UGGT2: variants seen among roughly 807,000 people sequenced by gnomAD.
UGGT2 encodes the protein UDP-glucose:glycoprotein glucosyltransferase 2.
A neutral mutation model predicts 192.1 loss-of-function variants in UGGT2; 180 were observed. That is an observed-to-expected ratio of 0.94 (90% CI 0.83 to 1.06). UGGT2 has a LOEUF of 1.06. Among genes scored for constraint, UGGT2 ranks in the 50% least tolerant of loss-of-function variants. UGGT2 has a pLI of 0.00. For synonymous variants in UGGT2, 580 were observed against 591.0 expected (o/e 0.98, Z 0.27); for missense variants, 1,849 against 1,795.7 (o/e 1.03, Z -0.54).
intron 5 of UGGT2, among the ~76,000 whole-genome samples, chr13:96,011,054 A>G (rs1266492134): frequency 6.6e-6 from 1 of 152,194 alleles, no homozygotes; most frequent in South Asian, 2.1e-4. Context: ...CTAGATATCC[A>G]TATGTAGAAA....
At chr13:95,969,812 T>C (rs1309902681) in intron 12 of UGGT2, among the ~76,000 whole-genome samples, 2 of 152,232 alleles carry the variant, frequency 1.3e-5, no homozygotes, top group Non-Finnish European at 2.9e-5. Context: ...ACCTCAGATT[T>C]TAACCATGTA....
At chr13:95,900,211 G>A (rs944848863) in intron 22 of UGGT2, among the ~76,000 whole-genome samples, 1 of 151,972 alleles carries the variant, frequency 6.6e-6, no homozygotes, top group Non-Finnish European at 1.5e-5. Context: ...GGATTATAAG[G>A]ATGTATTCTA....
At chr13:95,875,949 G>A (rs1417068885) in intron 29 of UGGT2, among the ~76,000 whole-genome samples, 2 of 152,072 alleles carry the variant, frequency 1.3e-5, no homozygotes, top group Non-Finnish European at 2.9e-5. Flanking sequence ...TTTATTAAGG[G>A]TATAAAAAAG....
intron 38 of UGGT2, among the ~76,000 whole-genome samples, chr13:95,821,890 C>T (rs1431613763): frequency 6.6e-6 from 1 of 152,108 alleles, no homozygotes; most frequent in Non-Finnish European, 1.5e-5. Flanking sequence ...GGCTTCATTT[C>T]TGTGTTCTCC....
intron 36 of UGGT2, among the ~76,000 whole-genome samples, chr13:95,844,225 G>C (rs1000560506): frequency 6.6e-6 from 1 of 152,202 alleles, no homozygotes; most frequent in Non-Finnish European, 1.5e-5. Flanking sequence ...GCCTCCCAAA[G>C]TGCTGGGATT....
At chr13:96,036,449 C>T (rs1468767012) in intron 1 of UGGT2, among the ~76,000 whole-genome samples, 2 of 152,094 alleles carry the variant, frequency 1.3e-5, no homozygotes, top group Admixed American at 1.3e-4. Flanking sequence ...TTAATGGATG[C>T]TGGGCTTCAT....
intron 38 of UGGT2, among the ~76,000 whole-genome samples, chr13:95,830,423 C>G (rs1439361944): frequency 6.6e-6 from 1 of 152,062 alleles, no homozygotes; most frequent in Non-Finnish European, 1.5e-5. Context: ...TGAACTTAAA[C>G]AAATTTACAA....
chr13:95,948,201 C>A, intron 13 of UGGT2, 120 bp from the exon 14 acceptor site: 4 of 525,272 alleles, frequency 7.6e-6, no homozygotes, highest in Non-Finnish European at 1.0e-5. Context: ...TAAAGAAATT[C>A]TAGCAATTCT....
Position 95,947,168 on chromosome 13 carries a change from C to A in UGGT2, c.1546G>T (p.Gly516Cys), listed in dbSNP as rs1440236090. The change falls in exon 15 of 39, where the codon GGT becomes TGT. Residue 516 changes from glycine to cysteine, a missense_variant. Physicochemically the swap from Gly to Cys is radical, Grantham distance 159. Transcript: ENST00000376747. ...TCTGTATTAAGAATGAACACAAAAC[C>A]AATTCTGGAAAAAGAAGATGAACAA... The part of the protein sequence containing the change: ...FYSHEVPLRI[G>C]FVFILNTDDE... 13 of 1,593,538 alleles carry A rather than the reference C, an allele frequency of 8.2e-6. No individual in the cohort carries two copies. The highest frequency in any genetic ancestry group is 1.0e-5 in the Non-Finnish European group (12 of 1,173,948).
At chr13:95,826,863 G>A (rs1362155185) in intron 38 of UGGT2, among the ~76,000 whole-genome samples, 3 of 150,346 alleles carry the variant, frequency 2.0e-5, no homozygotes, top group Non-Finnish European at 4.4e-5. Flanking sequence ...GGCTTGTATG[G>A]AAAAAAAACA....
intron 1 of UGGT2, among the ~76,000 whole-genome samples, chr13:96,037,914 CT>C (rs1400172833): frequency 6.6e-6 from 1 of 152,212 alleles, no homozygotes; most frequent in Non-Finnish European, 1.5e-5. Flanking sequence ...AAACTACAGG[CT>C]TTTGGCCTGC....
chr13:95,944,913 T>C (rs979975040), intron 15 of UGGT2, among the ~76,000 whole-genome samples: 2 of 152,142 alleles, frequency 1.3e-5, no homozygotes, highest in South Asian at 2.1e-4. Flanking sequence ...ACTACTATTA[T>C]AGTGAAACTG....
rs1402064310 is a variant in UGGT2, at chr13:95,877,765, C to A, written c.3320G>T (p.Gly1107Val). The A allele has an allele frequency of 1.9e-6, 3 of 1,613,912 alleles. No individual in the cohort carries two copies. The highest frequency in any genetic ancestry group is 4.5e-5 in the East Asian group (2 of 44,848). ...FDKVTEQPPRGLQFTLGTKNK... is the reference protein window; with the variant it reads ...FDKVTEQPPRVLQFTLGTKNK... Reference sequence around the variant, plus strand: ...TTTTGTGCCTAGTGTGAACTGCAGACCCCGAGGAGGCTGTTCTGTCACTTT... The same window carrying A: ...TTTTGTGCCTAGTGTGAACTGCAGAACCCGAGGAGGCTGTTCTGTCACTTT... The change falls in exon 28 of 39, where the codon GGT becomes GTT. Residue 1107 changes from glycine to valine, a missense_variant. Transcript: ENST00000376747.
At chr13:95,829,699 T>A (rs946478552) in intron 38 of UGGT2, among the ~76,000 whole-genome samples, 1 of 152,216 alleles carries the variant, frequency 6.6e-6, no homozygotes, top group African/African-American at 2.4e-5. Context: ...GAACATTCCA[T>A]GCTCATGGAC....
chr13:95,819,751 A>G (rs1200518443), intron 38 of UGGT2, among the ~76,000 whole-genome samples: 1 of 152,262 alleles, frequency 6.6e-6, no homozygotes, highest in Admixed American at 6.5e-5. Context: ...ATAGGAAAAC[A>G]TCAGTCTTCA....
At chr13:95,895,460 T>C (rs1396629310) in intron 22 of UGGT2, among the ~76,000 whole-genome samples, 156 bp from the exon 23 acceptor site, 1 of 151,886 alleles carries the variant, frequency 6.6e-6, no homozygotes, top group Non-Finnish European at 1.5e-5. Context: ...CTAAATACGC[T>C]AGGAAACAAG....
chr13:95,933,539 T>A (rs956656793), intron 17 of UGGT2, among the ~76,000 whole-genome samples: 1 of 152,212 alleles, frequency 6.6e-6, no homozygotes, highest in African/African-American at 2.4e-5. Context: ...TATAAATTTT[T>A]GGGTCTCAAT....
At position 95,970,093 on chromosome 13, in the gene UGGT2, G is replaced by T; in HGVS notation, c.1335+19C>A. 1.3e-6 allele frequency: 2 copies of T among 1,591,622 alleles called. No homozygotes were observed. Among genetic ancestry groups the T allele is most frequent in the South Asian group, 2.2e-5 (2 of 89,332 alleles). ...AGTATACTACAGGTTTTAGAACAAG[G>T]AATAGCATAAGCACTTACCATTATA... On this transcript the variant is annotated intron_variant, in intron 12 of 38. Transcript: ENST00000376747.
chr13:96,005,459 G>T (rs919622045), intron 5 of UGGT2, among the ~76,000 whole-genome samples: 2 of 152,122 alleles, frequency 1.3e-5, no homozygotes, highest in African/African-American at 4.8e-5. Flanking sequence ...AGGTAGAGAG[G>T]AAAGAAAAAT....
Sources: gnomAD v4.1 joint callset for allele counts (sites outside exome capture counted in the v4.1 genomes callset) on GRCh38, gnomAD v4.1.1 for gene constraint, MANE v1.5 for transcripts, NCBI Gene and HGNC (gene_info 2026-07-23, HGNC 2026-07-21) for gene names.